The following FRMD4A variants were observed in gnomAD, a reference collection of about 807,000 sequenced individuals.
FRMD4A encodes the protein FERM domain-containing protein 4A.
A neutral mutation model predicts 129.1 loss-of-function variants in FRMD4A; 29 were observed. The observed-to-expected ratio is 0.22, with a 90% confidence interval of 0.17 to 0.31. The LOEUF is 0.31. Ranked by LOEUF, FRMD4A falls within the 10% of genes least tolerant of loss-of-function variation. FRMD4A has a pLI of 1.00. For missense variants in FRMD4A, 1,272 were observed against 1,375.8 expected, an observed-to-expected ratio of 0.92 and a Z score of 1.19; for synonymous variants, 634 against 571.6, an observed-to-expected ratio of 1.11 and a Z score of -1.56.
rs1840447262 is a variant in FRMD4A at position 14,153,582 on chromosome 10, T to C, written c.45+176476A>G. On this transcript the variant is annotated intron_variant, in intron 2 of 24. Transcript: ENST00000357447. Reference sequence around the variant, plus strand: ...CTACACCAGTGTGTAGAGTATGGAGTCATATACAGACGGTCACTCCTAGCA... The same window carrying C: ...CTACACCAGTGTGTAGAGTATGGAGCCATATACAGACGGTCACTCCTAGCA... 2.6e-5 allele frequency among the ~76,000 whole-genome samples: 4 copies of C among 151,664 alleles called. No individual in the cohort carries two copies. The South Asian group carries it at 8.3e-4, about 32-fold the overall frequency.
At position 13,860,570 on chromosome 10, in the gene FRMD4A, T is replaced by C. The variant is rs113021266; in HGVS notation, c.46-1658A>G. On this transcript the variant is annotated intron_variant, in intron 2 of 24. Coordinates refer to ENST00000357447, the MANE Select transcript of FRMD4A (RefSeq NM_018027.5). Reference sequence around the variant, plus strand: ...TAGTCCCCATTAAATACAGTTCTTTTCCCCTGTATTTAGTGGCTAACCGGC... The same window carrying C: ...TAGTCCCCATTAAATACAGTTCTTTCCCCCTGTATTTAGTGGCTAACCGGC... 1.3e-3 allele frequency among the ~76,000 whole-genome samples: 203 copies of C among 152,302 alleles called. 1 individual carries two copies. The highest frequency in any genetic ancestry group is 4.7e-3 in the African/African-American group (196 of 41,570).
At chr10:13,827,417 G>A (rs1310695727) in intron 3 of FRMD4A, among the ~76,000 whole-genome samples, 1 of 152,196 alleles carries the variant, frequency 6.6e-6, no homozygotes, top group East Asian at 1.9e-4. Context: ...TATTCTGGGT[G>A]AGACCTGATG....
At position 13,829,462 on chromosome 10, in the gene FRMD4A, C is replaced by A. The variant is rs551137636; in HGVS notation, c.112-18554G>T. ...CCATGATTGTGCCACTGCACTCCAGCCTGGGCAACAGAGTGAGGTCCCATC... is the reference window on the plus strand; with the variant it reads ...CCATGATTGTGCCACTGCACTCCAGACTGGGCAACAGAGTGAGGTCCCATC... On this transcript the variant is annotated intron_variant, in intron 3 of 24. Coordinates refer to ENST00000357447, the MANE Select transcript of FRMD4A (RefSeq NM_018027.5). 2.0e-5 allele frequency among the ~76,000 whole-genome samples: 3 copies of A among 152,260 alleles called. No homozygotes were observed. In the East Asian group the frequency reaches 5.8e-4, roughly 29 times the overall value.
intron 3 of FRMD4A, among the ~76,000 whole-genome samples, chr10:13,830,176 A>G (rs2093767516): frequency 6.6e-6 from 1 of 152,190 alleles, no homozygotes; most frequent in Non-Finnish European, 1.5e-5. Context: ...CCTCACTGCC[A>G]CAAGTGTCAC....
intron 2 of FRMD4A, among the ~76,000 whole-genome samples, chr10:14,291,801 A>C (rs1845857071): frequency 6.6e-6 from 1 of 151,820 alleles, no homozygotes; most frequent in Non-Finnish European, 1.5e-5. Flanking sequence ...GTAAGATAAA[A>C]AACTATATAC....
chr10:14,022,088 C>A (rs1832784866), intron 2 of FRMD4A, among the ~76,000 whole-genome samples: 1 of 152,092 alleles, frequency 6.6e-6, no homozygotes, highest in Non-Finnish European at 1.5e-5. Flanking sequence ...ATGGAGGTTA[C>A]AAAGGTGTCC....
intron 12 of FRMD4A, among the ~76,000 whole-genome samples, chr10:13,714,575 A>T (rs182929682): frequency 4.8e-4 from 73 of 152,270 alleles, no homozygotes; most frequent in Non-Finnish European, 8.8e-4. Context: ...GGCAAGAGGA[A>T]ACACATGGTG....
intron 2 of FRMD4A, among the ~76,000 whole-genome samples, chr10:14,127,968 T>C (rs200957528): frequency 0.023 from 751 of 33,272 alleles, 21 homozygotes; most frequent in African/African-American, 0.037. Flanking sequence ...CTTTCTTTCT[T>C]TCTTTCTTTC....
At chr10:13,756,510 C>T (rs1040737327) in intron 8 of FRMD4A, among the ~76,000 whole-genome samples, 6 of 152,122 alleles carry the variant, frequency 3.9e-5, no homozygotes, top group East Asian at 1.9e-4. Context: ...TACAGGCACA[C>T]GCCACCATGC....
In FRMD4A at chr10:14,247,597, T is replaced by C. The variant is rs557862200; in HGVS notation, c.45+82461A>G. 9.2e-5 allele frequency among the ~76,000 whole-genome samples: 14 copies of C among 152,290 alleles called. No homozygotes were observed. In the South Asian group the frequency reaches 2.9e-3, roughly 32 times the overall value. The stretch of plus-strand genomic sequence containing the variant: ...TTCTGGAGTGTGGCCCAAAGATCCA[T>C]ATGTCAAAACCTGGCAGAGGAAGCT... On this transcript the variant is annotated intron_variant, in intron 2 of 24. Transcript: ENST00000357447.
intron 2 of FRMD4A, among the ~76,000 whole-genome samples, chr10:13,879,678 T>C (rs529666498): frequency 1.1e-5 from 1 of 92,326 alleles, no homozygotes; most frequent in South Asian, 5.8e-4. Flanking sequence ...TCCTCCTCCT[T>C]CTTCTTTCTC....
chr10:14,179,671 TGCGATACAAAAATTATATA>T (rs1311951540), intron 2 of FRMD4A, among the ~76,000 whole-genome samples: 1 of 152,244 alleles, frequency 6.6e-6, no homozygotes, highest in Non-Finnish European at 1.5e-5. Flanking sequence ...TACAAGTTCT[TGCGATACAAAAATTATATA>T]GCGATTAACA....
At chr10:13,701,939 C>T (rs907493150) in intron 13 of FRMD4A, among the ~76,000 whole-genome samples, 1 of 152,182 alleles carries the variant, frequency 6.6e-6, no homozygotes, top group Non-Finnish European at 1.5e-5. Flanking sequence ...TCTTATATAA[C>T]TAACCCAATG....
At chr10:14,153,817 TC>T (rs1358955110) in intron 2 of FRMD4A, among the ~76,000 whole-genome samples, 5 of 152,202 alleles carry the variant, frequency 3.3e-5, no homozygotes, top group African/African-American at 1.2e-4. Context: ...TCTTTCCTTC[TC>T]ATAGCACGGC....
chr10:13,753,237 T>A (rs964080000), intron 8 of FRMD4A, among the ~76,000 whole-genome samples: 2 of 152,214 alleles, frequency 1.3e-5, no homozygotes, highest in Admixed American at 1.3e-4. Flanking sequence ...AAGCTGAGGT[T>A]ACAACAAAGA....
rs74125112 is a variant in FRMD4A, at chr10:13,937,428, G to A, written c.46-78516C>T. On this transcript the variant is annotated intron_variant, in intron 2 of 24. Transcript: ENST00000357447. ...TGTAGAAGTCAAAACTACAACTCCC[G>A]TCACCAACCCAACGCCCAGCCTTTA... Among the ~76,000 whole-genome samples the A allele has an allele frequency of 6.7e-3, 1,023 of 152,250 alleles. 11 individuals are homozygous for A. Among genetic ancestry groups the A allele is most frequent in the African/African-American group, 0.023 (939 of 41,544 alleles).
chr10:14,137,405 G>T (rs149169568), intron 2 of FRMD4A, among the ~76,000 whole-genome samples: 2 of 152,162 alleles, frequency 1.3e-5, no homozygotes, highest in Admixed American at 1.3e-4. Flanking sequence ...TGCTGCATTT[G>T]ACTGAAAGAA....
intron 12 of FRMD4A, among the ~76,000 whole-genome samples, chr10:13,732,426 T>C (rs1358604005): frequency 6.6e-6 from 1 of 152,172 alleles, no homozygotes; most frequent in East Asian, 1.9e-4. Flanking sequence ...GCCAATGCTG[T>C]TGGAGCTGTG....
intron 2 of FRMD4A, among the ~76,000 whole-genome samples, chr10:13,974,746 T>G (rs1249847601): frequency 3.3e-5 from 5 of 152,228 alleles, no homozygotes; most frequent in African/African-American, 1.2e-4. Context: ...AGGCTAGTCT[T>G]GAACTCTTGA....
Sources: gnomAD v4.1 joint callset for allele counts (sites outside exome capture counted in the v4.1 genomes callset) on GRCh38, gnomAD v4.1.1 for gene constraint, MANE v1.5 for transcripts, NCBI Gene and HGNC (gene_info 2026-07-23, HGNC 2026-07-21) for gene names.